The following PRPF39 variants were observed in gnomAD, a reference collection of about 807,000 sequenced individuals.
PRPF39 encodes the protein pre-mRNA-processing factor 39.
Under a neutral mutation model 82.1 loss-of-function variants are expected in PRPF39, and 27 were observed. The observed-to-expected ratio is 0.33, with a 90% CI of 0.24 to 0.45. PRPF39 has a LOEUF of 0.45. PRPF39 is among the 20% of genes least tolerant of loss of function. The pLI, the probability that PRPF39 is intolerant of heterozygous loss-of-function variation, is 1.00. For synonymous variants in PRPF39, 261 were observed against 256.4 expected, an observed-to-expected ratio of 1.02 and a Z score of -0.17; for missense variants, 581 against 796.9, an observed-to-expected ratio of 0.73 and a Z score of 3.26.
Position 45,114,477 on chromosome 14 carries a change from TC to T in PRPF39, c.1833-16del. On this transcript the variant is annotated splice_polypyrimidine_tract_variant and intron_variant, in intron 12 of 13. Coordinates refer to ENST00000355765, the MANE Select transcript of PRPF39 (RefSeq NM_017922.4). ...CTGTGGGAGTTTTGAAAGTTTCCAT[TC>T]TGACGTTTTATATAGATCAGAAGAA... is the stretch of plus-strand genomic sequence containing the variant. 1 of 1,548,846 alleles carries T rather than the reference TC, an allele frequency of 6.5e-7. No individual in the cohort carries two copies. Among genetic ancestry groups the T allele is most frequent in the Non-Finnish European group, 8.7e-7 (1 of 1,155,192 alleles).
chr14:45,108,192 A>T (rs1219845330), intron 6 of PRPF39, among the ~76,000 whole-genome samples: 1 of 152,190 alleles, frequency 6.6e-6, no homozygotes, highest in African/African-American at 2.4e-5. Flanking sequence ...CTACTAGCCC[A>T]ATTTAAGAAA....
intron 5 of PRPF39, among the ~76,000 whole-genome samples, chr14:45,104,864 T>G (rs536271473): frequency 6.6e-6 from 1 of 152,316 alleles, no homozygotes; most frequent in East Asian, 1.9e-4. Context: ...TACCTTTTCC[T>G]CTTTCCACTT....
At position 45,090,340 on chromosome 14, in the gene PRPF39, A is replaced by C. The variant is rs915428384; in HGVS notation, c.-19-4881A>C. Among the ~76,000 whole-genome samples, 6 of 152,182 alleles carry C rather than the reference A, an allele frequency of 3.9e-5. No individual in the cohort carries two copies. The East Asian group carries it at 1.2e-3, about 29-fold the overall frequency. On this transcript the variant is annotated intron_variant, in intron 1 of 13. Transcript: ENST00000355765. ...AACTTATTTTTTCTGGTAGTCTACT[A>C]CTTTGGACTCTCTTTTATTATGCAT...
chr14:45,098,513 T>G (rs1347350043), intron 4 of PRPF39, among the ~76,000 whole-genome samples: 1 of 152,114 alleles, frequency 6.6e-6, no homozygotes, highest in Non-Finnish European at 1.5e-5. Flanking sequence ...TGTCTTTTCA[T>G]TTTATAACCT....
intron 4 of PRPF39, among the ~76,000 whole-genome samples, chr14:45,099,154 G>A (rs988977327): frequency 4.6e-5 from 7 of 152,134 alleles, no homozygotes; most frequent in South Asian, 2.1e-4. Context: ...GAGCTTTGAT[G>A]TGGATTTTCT....
At chr14:45,101,216 A>C (rs556351995) in intron 4 of PRPF39, among the ~76,000 whole-genome samples, 38 of 152,282 alleles carry the variant, frequency 2.5e-4, no homozygotes, top group African/African-American at 7.9e-4. Context: ...TGAATAGTAG[A>C]ATTTGATTTT....
At chr14:45,087,588 T>G (rs112142590) in intron 1 of PRPF39, among the ~76,000 whole-genome samples, 4,545 of 151,956 alleles carry the variant, frequency 0.03, 225 homozygotes, top group African/African-American at 0.1. Flanking sequence ...GTTTTGTTTT[T>G]TTTGAGATGG....
At chr14:45,114,383 C>T in intron 12 of PRPF39, 111 bp from the exon 13 acceptor site, 1 of 1,347,686 alleles carries the variant, frequency 7.4e-7, no homozygotes, top group Non-Finnish European at 1.0e-6. Flanking sequence ...TTGAAAAAGT[C>T]TTGAGTGATT....
At chr14:45,102,396 C>T in intron 4 of PRPF39, 133 bp from the exon 5 acceptor site, 1 of 682,108 alleles carries the variant, frequency 1.5e-6, no homozygotes. Context: ...TCTGTCTACC[C>T]TTTAATCCCT....
At chr14:45,109,865 T>A in intron 8 of PRPF39, 85 bp downstream of exon 8, 1 of 1,522,238 alleles carries the variant, frequency 6.6e-7, no homozygotes, top group South Asian at 1.3e-5. Flanking sequence ...TGTTGAATGT[T>A]GTTCATATAA....
At chr14:45,084,959 C>G (rs1883774200) in intron 1 of PRPF39, among the ~76,000 whole-genome samples, 1 of 152,088 alleles carries the variant, frequency 6.6e-6, no homozygotes, top group South Asian at 2.1e-4. Flanking sequence ...TGAATTTATG[C>G]TGATTCAAAT....
intron 1 of PRPF39, among the ~76,000 whole-genome samples, chr14:45,085,142 T>C (rs1883781002): frequency 6.6e-6 from 1 of 152,192 alleles, no homozygotes; most frequent in African/African-American, 2.4e-5. Flanking sequence ...TTAAGTGTTT[T>C]AGGCTGTATG....
In PRPF39 at chr14:45,110,517, C is replaced by A. The variant is rs1884668771; in HGVS notation, c.1304-32C>A. On this transcript the variant is annotated intron_variant, in intron 9 of 13. Transcript: ENST00000355765. The surrounding 1 kb of genome is among the most constrained non-coding windows in gnomAD (Gnocchi z 4.0). ...ATAAACGTTATTTTGGTTGTTTAAA[C>A]CAAAGCATAAACATTTAATTACTGT... is the stretch of plus-strand genomic sequence containing the variant. 1 of 1,537,970 alleles carries A rather than the reference C, an allele frequency of 6.5e-7. No homozygotes were observed. Among genetic ancestry groups the A allele is most frequent in the African/African-American group, 1.4e-5 (1 of 72,514 alleles).
At chr14:45,114,668 G>T (rs767563882) in intron 13 of PRPF39, 54 bp downstream of exon 13, 1 of 1,556,124 alleles carries the variant, frequency 6.4e-7, no homozygotes, top group African/African-American at 1.4e-5. Flanking sequence ...GCATAAATTA[G>T]GATAGTTTCT....
intron 1 of PRPF39, among the ~76,000 whole-genome samples, chr14:45,094,618 T>G (rs1884141766): frequency 6.6e-6 from 1 of 152,206 alleles, no homozygotes; most frequent in South Asian, 2.1e-4. Flanking sequence ...TACTGTTTAA[T>G]TTTTTAAAGC....
At chr14:45,103,237 CCTTTT>C (rs1233661157) in intron 5 of PRPF39, among the ~76,000 whole-genome samples, 1 of 151,946 alleles carries the variant, frequency 6.6e-6, no homozygotes, top group Non-Finnish European at 1.5e-5. Flanking sequence ...CAATTGGTAT[CCTTTT>C]ATTTTAATGA....
chr14:45,115,947 A>T lies in PRPF39; in HGVS notation c.*1034A>T, dbSNP rs573122852. On this transcript the variant is annotated 3_prime_UTR_variant, in exon 14 of 14. Coordinates refer to ENST00000355765, the MANE Select transcript of PRPF39 (RefSeq NM_017922.4). The stretch of plus-strand genomic sequence containing the variant: ...TTATTGAGCCACTTAAGTTTACAAC[A>T]TGAGGTAAAAGGAAAAAGTTCTCCT... 1.2e-5 allele frequency: 5 copies of T among 421,462 alleles called. No homozygotes were observed. The highest frequency in any genetic ancestry group is 9.8e-5 in the African/African-American group (5 of 50,944). The allele number at this position is 421,462 out of a possible 1,614,324, so 26.1% of individuals were successfully genotyped here.
intron 1 of PRPF39, among the ~76,000 whole-genome samples, chr14:45,090,334 T>C (rs989829604): frequency 6.6e-6 from 1 of 152,240 alleles, no homozygotes; most frequent in Admixed American, 6.5e-5. Context: ...TTTCTGGTAG[T>C]CTACTACTTT....
intron 1 of PRPF39, among the ~76,000 whole-genome samples, chr14:45,085,481 T>C (rs1883793142): frequency 6.6e-6 from 1 of 152,226 alleles, no homozygotes; most frequent in Non-Finnish European, 1.5e-5. Context: ...TTTTCTGTGG[T>C]ATGTTTTAAC....
Sources: allele counts gnomAD v4.1 joint callset (sites outside exome capture counted in the v4.1 genomes callset), GRCh38; gene constraint gnomAD v4.1.1; non-coding constraint Gnocchi (gnomAD v3.1); transcripts MANE v1.5; gene names NCBI Gene and HGNC (gene_info 2026-07-23, HGNC 2026-07-21).